The following SAXO1 variants were observed in gnomAD, a reference collection of about 807,000 sequenced individuals.
SAXO1 encodes stabilizer of axonemal microtubules 1, also known as 4930500O09Rik.
In SAXO1, 21 loss-of-function variants were observed where a neutral mutation model predicts 17.5. The ratio of observed to expected loss-of-function variants is 1.20; its 90% CI spans 0.85 to 1.72. The LOEUF (loss-of-function observed/expected upper bound fraction) is 1.72, where lower values mean the gene tolerates loss of function less well. Ranked by LOEUF, SAXO1 falls within the 40% of genes most tolerant of loss-of-function variation. The pLI, the probability that SAXO1 is intolerant of heterozygous loss-of-function variation, is 0.00. For missense variants in SAXO1, 843 were observed against 596.0 expected (o/e 1.41, Z -4.32); for synonymous variants, 274 against 216.5 (o/e 1.27, Z -2.33).
At chr9:18,958,234 G>C (rs1259673017) in intron 1 of SAXO1, among the ~76,000 whole-genome samples, 1 of 152,102 alleles carries the variant, frequency 6.6e-6, no homozygotes, top group Non-Finnish European at 1.5e-5. Context: ...GACTAGCTTG[G>C]CCAACATGGT....
At chr9:18,989,855 G>A (rs1402844690) in intron 1 of SAXO1, among the ~76,000 whole-genome samples, 21 of 152,182 alleles carry the variant, frequency 1.4e-4, no homozygotes, top group Admixed American at 1.4e-3. Flanking sequence ...CATGAGTGAA[G>A]TGGCCAACAT....
At chr9:19,003,317 C>T (rs1330665361) in intron 1 of SAXO1, among the ~76,000 whole-genome samples, 1 of 152,148 alleles carries the variant, frequency 6.6e-6, no homozygotes, top group Non-Finnish European at 1.5e-5. Context: ...GGCCATACTG[C>T]CCAAAGTAAT....
intron 1 of SAXO1, among the ~76,000 whole-genome samples, chr9:18,996,501 G>A (rs146636588): frequency 5.3e-5 from 8 of 152,264 alleles, no homozygotes; most frequent in African/African-American, 1.4e-4. Context: ...CATACAAAAC[G>A]TGCAGTGAAA....
chr9:18,985,617 G>A (rs1469961008), intron 1 of SAXO1, among the ~76,000 whole-genome samples: 1 of 152,160 alleles, frequency 6.6e-6, no homozygotes, highest in African/African-American at 2.4e-5. Context: ...AGGATGGGCA[G>A]AGACCCAGCA....
In SAXO1 at chr9:19,021,330, G is replaced by A. The variant is rs115706389; in HGVS notation, c.38+11541C>T. 7.6e-3 allele frequency among the ~76,000 whole-genome samples: 1,153 copies of A among 152,262 alleles called. 15 individuals are homozygous for A. Among genetic ancestry groups the A allele is most frequent in the African/African-American group, 0.026 (1,079 of 41,548 alleles). On this transcript the variant is annotated intron_variant, in intron 1 of 3. Coordinates refer to ENST00000380534, the MANE Select transcript of SAXO1 (RefSeq NM_153707.4). ...CCCAGAAGAAAACAGATCAGACACC[G>A]CAAGAGCCATAAGGTCCGAGAAAGA...
chr9:19,038,769 AG>A (rs1237866344), intron 1 of SAXO1, among the ~76,000 whole-genome samples: 2 of 152,038 alleles, frequency 1.3e-5, no homozygotes, highest in Non-Finnish European at 1.5e-5. Context: ...TAAAAAAAAA[AG>A]AATAAATGGC....
intron 1 of SAXO1, among the ~76,000 whole-genome samples, chr9:18,978,863 C>G (rs903532755): frequency 3.9e-5 from 6 of 152,242 alleles, no homozygotes; most frequent in African/African-American, 1.4e-4. Flanking sequence ...CAATCCCCAA[C>G]TCTTCATGGG....
At position 19,047,722 on chromosome 9, in the gene SAXO1, T is replaced by C. The variant is rs1250123988; in HGVS notation, c.-158+1487A>G. On this transcript the variant is annotated intron_variant, in intron 1 of 3. Transcript: ENST00000542071. The stretch of plus-strand genomic sequence containing the variant: ...CCTCCAAGACTCTGAGGAAAAATTA[T>C]GTCCAACCAATCAAGTGTGAGGGTA... Among the ~76,000 whole-genome samples the C allele has an allele frequency of 5.9e-5, 9 of 152,228 alleles. No homozygotes were observed. In the South Asian group the frequency reaches 6.2e-4, roughly 11 times the overall value.
intron 3 of SAXO1, among the ~76,000 whole-genome samples, chr9:18,940,052 G>A (rs776860732): frequency 5.3e-5 from 8 of 152,182 alleles, no homozygotes; most frequent in East Asian, 1.9e-4. Flanking sequence ...AGGGACTCTC[G>A]GCTATCAGTA....
At chr9:19,027,181 T>C in intron 1 of SAXO1, 1 of 1,199,992 alleles carries the variant, frequency 8.3e-7, no homozygotes, top group Non-Finnish European at 1.2e-6. Context: ...AATATTGACC[T>C]GGACTCCCAG....
At chr9:18,974,819 G>A (rs1477288854) in intron 1 of SAXO1, among the ~76,000 whole-genome samples, 4 of 152,240 alleles carry the variant, frequency 2.6e-5, no homozygotes, top group African/African-American at 7.2e-5. Context: ...CCATGGTGGT[G>A]ACAGTGGTAG....
At chr9:19,000,723 A>C (rs115696410) in intron 1 of SAXO1, among the ~76,000 whole-genome samples, 6,316 of 152,314 alleles carry the variant, frequency 0.041, 157 homozygotes, top group Non-Finnish European at 0.058. Flanking sequence ...AAAATAAAAA[A>C]ATTAAAGGAA....
At chr9:19,013,540 A>ATTTTT (rs1219136885) in intron 1 of SAXO1, among the ~76,000 whole-genome samples, 42 of 93,194 alleles carry the variant, frequency 4.5e-4, no homozygotes, top group African/African-American at 9.9e-4. Flanking sequence ...AAAAGTACGG[A>ATTTTT]TTTTTTTTTT....
intron 3 of SAXO1, among the ~76,000 whole-genome samples, chr9:18,932,332 C>CG: frequency 6.6e-6 from 1 of 152,274 alleles, no homozygotes; most frequent in South Asian, 2.1e-4. Flanking sequence ...GAGAAGTTAA[C>CG]GACAATAGAC....
intron 1 of SAXO1, among the ~76,000 whole-genome samples, chr9:18,963,474 C>T (rs1215774363): frequency 1.3e-5 from 2 of 152,060 alleles, no homozygotes; most frequent in Non-Finnish European, 2.9e-5. Flanking sequence ...CCTCTATTTC[C>T]TTGAGCAGTG....
chr9:19,033,693 C>T (rs1378353841), upstream of SAXO1, among the ~76,000 whole-genome samples: 1 of 152,234 alleles, frequency 6.6e-6, no homozygotes, highest in Non-Finnish European at 1.5e-5. Flanking sequence ...CAGGTGGGTT[C>T]TCAATCACTT....
chr9:18,960,854 C>A (rs1435494276), intron 1 of SAXO1, among the ~76,000 whole-genome samples: 1 of 152,020 alleles, frequency 6.6e-6, no homozygotes, highest in Non-Finnish European at 1.5e-5. Flanking sequence ...ATTTCTAGAA[C>A]AGAAAAACTA....
intron 1 of SAXO1, among the ~76,000 whole-genome samples, chr9:18,974,436 G>A (rs1410217428): frequency 6.6e-6 from 1 of 152,166 alleles, no homozygotes; most frequent in African/African-American, 2.4e-5. Flanking sequence ...TCAGACCTTG[G>A]TTTCTAAATA....
At chr9:19,000,963 A>C (rs542617549) in intron 1 of SAXO1, among the ~76,000 whole-genome samples, 2 of 152,310 alleles carry the variant, frequency 1.3e-5, no homozygotes, top group Non-Finnish European at 2.9e-5. Flanking sequence ...CTACAAAGAC[A>C]CTTAGACTCC....
Sources: allele counts gnomAD v4.1 joint callset (sites outside exome capture counted in the v4.1 genomes callset), GRCh38; gene constraint gnomAD v4.1.1; transcripts MANE v1.5; gene names NCBI Gene and HGNC (gene_info 2026-07-23, HGNC 2026-07-21).